Variants in PSD2 observed in about 807,000 individuals in gnomAD.
PSD2 encodes PH and SEC7 domain-containing protein 2.
PSD2 carries 38 observed loss-of-function variants against 69.8 expected under a neutral mutation model. The ratio of observed to expected loss-of-function variants is 0.54; its 90% CI spans 0.42 to 0.71. The LOEUF is 0.71. Ranked by LOEUF, PSD2 falls within the 30% of genes least tolerant of loss-of-function variation. PSD2 has a pLI of 0.00. For synonymous variants in PSD2, 412 were observed against 423.0 expected, an observed-to-expected ratio of 0.97 and a Z score of 0.32; for missense variants, 943 against 1,014.5, an observed-to-expected ratio of 0.93 and a Z score of 0.96.
In PSD2 at chr5:139,843,042, C is replaced by G. The variant is rs1362757652; in HGVS notation, c.*568C>G. ...GTGCCCTTTCAGTGTAAAGCTGACT[C>G]CATCACATGTGCATCCACTTCTTTT... is the stretch of plus-strand genomic sequence containing the variant. On this transcript the variant is annotated 3_prime_UTR_variant, in exon 15 of 15. Transcript: ENST00000274710. 1 of 153,982 alleles carries G rather than the reference C, an allele frequency of 6.5e-6. No homozygotes were observed. The highest frequency in any genetic ancestry group is 1.5e-5 in the Non-Finnish European group (1 of 68,674). The allele number at this position is 153,982 out of a possible 1,614,324, so 9.5% of individuals were successfully genotyped here. A position where few individuals can be genotyped will look rare whatever the true frequency, so the allele number is the denominator to read the frequency against.
At chr5:139,805,806 A>G (rs758447968) in intron 1 of PSD2, among the ~76,000 whole-genome samples, 6 of 152,192 alleles carry the variant, frequency 3.9e-5, no homozygotes, top group Non-Finnish European at 8.8e-5. Flanking sequence ...GCATGGGGAC[A>G]TGGGGTAGAG....
At position 139,837,061 on chromosome 5, in the gene PSD2, G is replaced by A. The variant is rs545461955; in HGVS notation, c.1594+60G>A. ...AGGCTGGCACAGAGGGGGGCGCCAC[G>A]GGCCACTCTTTGGGGACGAACATAC... is the stretch of plus-strand genomic sequence containing the variant. On this transcript the variant is annotated intron_variant, in intron 10 of 14. Coordinates refer to ENST00000274710, the MANE Select transcript of PSD2 (RefSeq NM_032289.4). This position sits in a 1 kb window ranked among gnomAD's most constrained non-coding sequence, Gnocchi z 5.0. 28 of 1,594,734 alleles carry A rather than the reference G, an allele frequency of 1.8e-5. No homozygotes were observed. Among genetic ancestry groups the A allele is most frequent in the South Asian group, 9.0e-5 (8 of 88,782 alleles).
At position 139,820,194 on chromosome 5, in the gene PSD2, C is replaced by T. The variant is rs764943592; in HGVS notation, c.1098-1699C>T. Among the ~76,000 whole-genome samples the T allele has an allele frequency of 3.3e-5, 5 of 152,090 alleles. No homozygotes were observed. The East Asian group carries it at 5.8e-4, about 18-fold the overall frequency. On this transcript the variant is annotated intron_variant, in intron 5 of 14. Coordinates refer to ENST00000274710, the MANE Select transcript of PSD2 (RefSeq NM_032289.4). Reference sequence around the variant, plus strand: ...GTTTGGTGGTGGCGGCACGGGGTTGCGGCTTGGGGCAGAGTGTCCAGGGAA... The same window carrying T: ...GTTTGGTGGTGGCGGCACGGGGTTGTGGCTTGGGGCAGAGTGTCCAGGGAA...
chr5:139,791,810 G>A (rs1044133226), upstream of PSD2, among the ~76,000 whole-genome samples: 1 of 152,210 alleles, frequency 6.6e-6, no homozygotes, highest in Admixed American at 6.5e-5. Context: ...AACTGTGTTG[G>A]TGACTTTGAT....
chr5:139,833,706 T>C lies in PSD2; in HGVS notation c.1274T>C (p.Ile425Thr), dbSNP rs756345702. 13 of 1,613,260 alleles carry C rather than the reference T, an allele frequency of 8.1e-6. No homozygotes were observed. The highest frequency in any genetic ancestry group is 1.7e-5 in the Admixed American group (1 of 60,010). The stretch of plus-strand genomic sequence containing the variant: ...AGAACCATTTCTCCATTACAGAACA[T>C]TGGCAAAAAGATGTCCTGTCAGCAA... ...LLNTDLHGHNIGKKMSCQQFI... is the reference protein window; with the variant it reads ...LLNTDLHGHNTGKKMSCQQFI... Residue 425 changes from isoleucine to threonine, a missense_variant, in exon 8 of 15, where the codon ATT (isoleucine) becomes ACT (threonine). Transcript: ENST00000274710.
chr5:139,818,204 C>A (rs902353528), intron 5 of PSD2, among the ~76,000 whole-genome samples: 2 of 152,076 alleles, frequency 1.3e-5, no homozygotes, highest in African/African-American at 2.4e-5. Flanking sequence ...GACTCATGCA[C>A]GTTAGACATC....
chr5:139,763,475 C>G, the PSD2 span, among the ~76,000 whole-genome samples: 1 of 152,246 alleles, frequency 6.6e-6, no homozygotes, highest in East Asian at 1.9e-4. Flanking sequence ...CCGTGTCCTA[C>G]TTCCACTCTG....
chr5:139,814,239 T>C lies in PSD2; in HGVS notation c.891T>C (p.Pro297=), dbSNP rs1338333852. 3.1e-6 allele frequency: 5 copies of C among 1,613,738 alleles called. No individual in the cohort carries two copies. Among genetic ancestry groups the C allele is most frequent in the Non-Finnish European group, 4.2e-6 (5 of 1,179,880 alleles). ...SELSSSEGLE[P]GSADPLANGC... ...TCAGCAGCTCGGAGGGGTTGGAGCC[T>C]GGTAGTGCAGACCCTCTGGCCAACG... The change falls in exon 4 of 15, where the codon CCT becomes CCC. Residue 297 remains proline (P), a synonymous_variant. Coordinates refer to ENST00000274710, the MANE Select transcript of PSD2 (RefSeq NM_032289.4). The surrounding 1 kb of genome is among the most constrained non-coding windows in gnomAD (Gnocchi z 4.4).
At chr5:139,808,578 C>G (rs1340325385) in intron 1 of PSD2, among the ~76,000 whole-genome samples, 2 of 152,208 alleles carry the variant, frequency 1.3e-5, no homozygotes. Flanking sequence ...CCCAGAGTGC[C>G]CCTTGGCGGC....
intron 1 of PSD2, among the ~76,000 whole-genome samples, chr5:139,800,037 T>C (rs533783959): frequency 1.3e-5 from 2 of 152,262 alleles, no homozygotes; most frequent in East Asian, 3.9e-4. Context: ...GAGCCACACA[T>C]AGCCCACTGC....
chr5:139,822,863 A>T (rs543883717), intron 7 of PSD2, 79 bp downstream of exon 7: 1 of 1,311,086 alleles, frequency 7.6e-7, no homozygotes, highest in Admixed American at 2.3e-5. Context: ...CCTTCCTGAG[A>T]TCTCTTACTC....
At position 139,836,874 on chromosome 5, in the gene PSD2, G is replaced by A. The variant is rs374414299; in HGVS notation, c.1467G>A (p.Thr489=). The A allele has an allele frequency of 3.8e-5, 61 of 1,614,080 alleles. No homozygotes were observed. The highest frequency in any genetic ancestry group is 3.6e-4 in the East Asian group (16 of 44,898). ...TGGATGACAAGTTCGGGACAGGCAC[G>A]AAGAAGGTGACGCGAATCCTGGATG... The part of the protein sequence containing the change: ...ELVDDKFGTG[T]KKVTRILDGG... The change falls in exon 10 of 15, where the codon ACG becomes ACA. Residue 489 remains threonine, a synonymous_variant. Coordinates refer to ENST00000274710, the MANE Select transcript of PSD2 (RefSeq NM_032289.4).
In PSD2 at chr5:139,814,787, A is replaced by G. The variant is rs1309383770; in HGVS notation, c.1016+423A>G. Among the ~76,000 whole-genome samples, 4 of 151,914 alleles carry G rather than the reference A, an allele frequency of 2.6e-5. No individual in the cohort carries two copies. The highest frequency in any genetic ancestry group is 1.9e-4 in the East Asian group (1 of 5,140). Reference sequence around the variant, plus strand: ...CTCCTGGCCTTCATTAAGCCCTACTATCTATTGGGACAAGCTGAAGGGGCT... The same window carrying G: ...CTCCTGGCCTTCATTAAGCCCTACTGTCTATTGGGACAAGCTGAAGGGGCT... On this transcript the variant is annotated intron_variant, in intron 4 of 14. Coordinates refer to ENST00000274710, the MANE Select transcript of PSD2 (RefSeq NM_032289.4). The surrounding 1 kb of genome is among the most constrained non-coding windows in gnomAD (Gnocchi z 4.4).
the PSD2 span, among the ~76,000 whole-genome samples, chr5:139,789,999 G>T: frequency 1.3e-5 from 2 of 152,080 alleles, no homozygotes; most frequent in African/African-American, 4.8e-5. Context: ...GGGGCCGGGC[G>T]GGCGCTGAGG....
Position 139,836,987 on chromosome 5 carries a change from T to G in PSD2, c.1580T>G (p.Met527Arg), listed in dbSNP as rs929425618. 1 of 1,612,348 alleles carries G rather than the reference T, an allele frequency of 6.2e-7. No individual in the cohort carries two copies. The highest frequency in any genetic ancestry group is 1.3e-5 in the African/African-American group (1 of 74,874). The change falls in exon 10 of 15, where the codon ATG becomes AGG. Residue 527 changes from methionine to arginine, a missense_variant. Physicochemically the swap from Met to Arg is moderately conservative, Grantham distance 91 (BLOSUM62 -1). Around this residue, in one of 3 missense-constraint regions of PSD2, gnomAD observed 312 missense variants for 400.7 expected, o/e 0.78. Coordinates refer to ENST00000274710, the MANE Select transcript of PSD2 (RefSeq NM_032289.4). ...GVLTRKTHAD[M>R]DGKRTPRGRR... Reference sequence around the variant, plus strand: ...CTGACCCGGAAGACTCACGCTGACATGGATGGCAAGAGGAGTGGGTGTCAG... The same window carrying G: ...CTGACCCGGAAGACTCACGCTGACAGGGATGGCAAGAGGAGTGGGTGTCAG...
chr5:139,754,369 C>A, the PSD2 span, among the ~76,000 whole-genome samples: 10 of 152,008 alleles, frequency 6.6e-5, no homozygotes, highest in Non-Finnish European at 1.3e-4. Flanking sequence ...GAGTTCAAGA[C>A]CAGCCTGGGC....
chr5:139,776,670 C>CA, the PSD2 span, among the ~76,000 whole-genome samples: 1 of 133,038 alleles, frequency 7.5e-6, no homozygotes, highest in Non-Finnish European at 1.6e-5. Context: ...TTCTGAGCTG[C>CA]TTTTTTTTTT....
At chr5:139,780,188 C>T in the PSD2 span, among the ~76,000 whole-genome samples, 1 of 152,196 alleles carries the variant, frequency 6.6e-6, no homozygotes, top group Non-Finnish European at 1.5e-5. Flanking sequence ...AATGGGTTCT[C>T]AGCTCAGAAC....
chr5:139,815,130 A>G (rs1163464632), intron 4 of PSD2, among the ~76,000 whole-genome samples: 1 of 152,160 alleles, frequency 6.6e-6, no homozygotes, highest in Non-Finnish European at 1.5e-5. Flanking sequence ...GCTAGGCCTC[A>G]GGATGCCCTG....
Sources: gnomAD v4.1 joint callset for allele counts (sites outside exome capture counted in the v4.1 genomes callset) on GRCh38, gnomAD v4.1.1 for gene constraint, gnomAD v4.1.1 regional missense constraint, Gnocchi (gnomAD v3.1) non-coding constraint, MANE v1.5 for transcripts, NCBI Gene and HGNC (gene_info 2026-07-23, HGNC 2026-07-21) for gene names.